JAM2: variants seen among roughly 807,000 people sequenced by gnomAD.
The protein encoded by JAM2 is junctional adhesion molecule B.
A neutral mutation model predicts 42.0 loss-of-function variants in JAM2; 17 were observed. The ratio of observed to expected loss-of-function variants is 0.40; its 90% CI spans 0.28 to 0.61. JAM2 has a LOEUF of 0.61. Among genes scored for constraint, JAM2 ranks in the 20% least tolerant of loss-of-function variants. The pLI is 0.37. For missense variants in JAM2, 319 were observed against 358.3 expected (o/e 0.89, Z 0.89); for synonymous variants, 118 against 128.6 (o/e 0.92, Z 0.56).
At chr21:25,654,313 T>G (rs1454931726) in intron 1 of JAM2, among the ~76,000 whole-genome samples, 1 of 152,210 alleles carries the variant, frequency 6.6e-6, no homozygotes, top group Non-Finnish European at 1.5e-5. Context: ...AGGATCAGTC[T>G]GTTATCACCT....
rs1176949538 is a variant in JAM2, at chr21:25,689,860, T to A, written c.134-6T>A. The A allele has an allele frequency of 1.9e-6, 3 of 1,569,494 alleles. No individual in the cohort carries two copies. In the East Asian group the frequency reaches 6.7e-5, roughly 35 times the overall value. ...AGAAAACAAGTATTTTTATTGTTGTTCCTAGAGGCTATTTTAGCCTGCAAA... is the reference window on the plus strand; with the variant it reads ...AGAAAACAAGTATTTTTATTGTTGTACCTAGAGGCTATTTTAGCCTGCAAA... On this transcript the variant is annotated splice_polypyrimidine_tract_variant and splice_region_variant and intron_variant, in intron 2 of 9. Transcript: ENST00000480456.
intron 3 of JAM2, among the ~76,000 whole-genome samples, chr21:25,693,297 G>A (rs147079558): frequency 0.069 from 10,320 of 149,100 alleles, 480 homozygotes; most frequent in Non-Finnish European, 0.1. Context: ...TCTCTCTGTC[G>A]CCCAGGTTGG....
intron 4 of JAM2, among the ~76,000 whole-genome samples, chr21:25,697,949 A>T (rs1208210680): frequency 7.0e-6 from 1 of 142,262 alleles, no homozygotes; most frequent in Non-Finnish European, 1.5e-5. Flanking sequence ...ACACACACAC[A>T]CACTCTCTCT....
Position 25,716,738 on chromosome 21 carries a change from A to G in JAM2, c.*2066A>G, listed in dbSNP as rs1601076947. 6.6e-6 allele frequency: 1 copy of G among 152,370 alleles called. No individual in the cohort carries two copies. The highest frequency in any genetic ancestry group is 3.4e-3 in the Middle Eastern group (1 of 294). 9.4% of individuals were successfully genotyped at this position (152,370 alleles called of 1,614,324 possible). ...CACAGACAAGATTTGGCCCACAGGC[A>G]TAGATTCCCAACTCATGGTGGTGAA... On this transcript the variant is annotated 3_prime_UTR_variant, in exon 10 of 10. Transcript: ENST00000480456.
At chr21:25,700,225 T>A (rs1289600192) in intron 5 of JAM2, among the ~76,000 whole-genome samples, 1 of 151,948 alleles carries the variant, frequency 6.6e-6, no homozygotes, top group African/African-American at 2.4e-5. Context: ...AGCTTGAAGC[T>A]TTTTAAAAAA....
At chr21:25,660,825 C>A (rs2033069460) in intron 1 of JAM2, among the ~76,000 whole-genome samples, 1 of 95,840 alleles carries the variant, frequency 1.0e-5, no homozygotes. Context: ...GACAGAGTCT[C>A]ACCCTGTTGC....
At chr21:25,700,456 G>A (rs1236432425) in intron 5 of JAM2, among the ~76,000 whole-genome samples, 1 of 152,150 alleles carries the variant, frequency 6.6e-6, no homozygotes. Flanking sequence ...TGCCTCCTAG[G>A]TTCAAGTAAT....
intron 1 of JAM2, among the ~76,000 whole-genome samples, chr21:25,673,805 T>G (rs866532894): frequency 2.6e-5 from 4 of 152,226 alleles, no homozygotes; most frequent in Non-Finnish European, 5.9e-5. Flanking sequence ...ATGGTTTGGC[T>G]GTGTCCCCAC....
intron 4 of JAM2, among the ~76,000 whole-genome samples, chr21:25,695,024 G>A (rs1349740790): frequency 3.4e-5 from 5 of 148,832 alleles, no homozygotes; most frequent in South Asian, 2.1e-4. Context: ...GGTGTTTCTC[G>A]CAGAGGGGGA....
At chr21:25,697,683 C>G (rs1418630165) in intron 4 of JAM2, among the ~76,000 whole-genome samples, 3 of 151,944 alleles carry the variant, frequency 2.0e-5, no homozygotes, top group African/African-American at 7.3e-5. Flanking sequence ...AGGAGGATTG[C>G]TTAAGCCTAG....
intron 1 of JAM2, chr21:25,643,641 A>G (rs925579828): frequency 6.6e-6 from 1 of 152,274 alleles, no homozygotes; most frequent in Admixed American, 6.5e-5. Flanking sequence ...CCGTGCTGGC[A>G]CAGTCTCAAT....
At chr21:25,697,332 T>C (rs773399068) in intron 4 of JAM2, among the ~76,000 whole-genome samples, 15 of 152,174 alleles carry the variant, frequency 9.9e-5, no homozygotes, top group Non-Finnish European at 5.9e-5. Flanking sequence ...TAGTGTTTGA[T>C]TGAATAACTG....
intron 3 of JAM2, 30 bp from the exon 4 acceptor site, chr21:25,693,726 A>T (rs753883142): frequency 6.3e-7 from 1 of 1,583,872 alleles, no homozygotes; most frequent in Admixed American, 1.7e-5. Flanking sequence ...TTGGATTATT[A>T]CTAACATCAA....
intron 1 of JAM2, among the ~76,000 whole-genome samples, chr21:25,642,885 G>A (rs997189937): frequency 2.6e-5 from 4 of 152,168 alleles, no homozygotes; most frequent in Non-Finnish European, 5.9e-5. Flanking sequence ...CAGCTCTGGA[G>A]GCTGAGAAGT....
At chr21:25,689,526 T>C (rs2033829839) in intron 2 of JAM2, among the ~76,000 whole-genome samples, 1 of 152,210 alleles carries the variant, frequency 6.6e-6, no homozygotes, top group Admixed American at 6.5e-5. Context: ...TAGTTAATCA[T>C]AGCTGCCATT....
At chr21:25,700,607 G>A (rs149167038) in intron 5 of JAM2, among the ~76,000 whole-genome samples, 10 of 152,182 alleles carry the variant, frequency 6.6e-5, no homozygotes, top group East Asian at 3.9e-4. Flanking sequence ...GTGATCGCTC[G>A]CCTGGGCCTC....
chr21:25,677,022 TG>T (rs2033513439), intron 1 of JAM2, among the ~76,000 whole-genome samples: 4 of 152,132 alleles, frequency 2.6e-5, no homozygotes, highest in Admixed American at 2.0e-4. Flanking sequence ...TGGTAAACCC[TG>T]AAGTAAATAG....
chr21:25,710,406 A>C (rs1327321574), intron 8 of JAM2, among the ~76,000 whole-genome samples: 1 of 152,204 alleles, frequency 6.6e-6, no homozygotes, highest in Non-Finnish European at 1.5e-5. Context: ...AGTATATCAG[A>C]TAGGGCCATT....
At chr21:25,641,213 C>T (rs62223982) in intron 1 of JAM2, among the ~76,000 whole-genome samples, 98,338 of 151,576 alleles carry the variant, frequency 0.65, 32,798 homozygotes, top group Non-Finnish European at 0.74. Context: ...CTGGAGAAAT[C>T]GTTAACAGAA....
Sources: gnomAD v4.1 joint callset for allele counts (sites outside exome capture counted in the v4.1 genomes callset) on GRCh38, gnomAD v4.1.1 for gene constraint, MANE v1.5 for transcripts, NCBI Gene and HGNC (gene_info 2026-07-23, HGNC 2026-07-21) for gene names.